The following KPNA1 variants were observed in gnomAD, a reference collection of about 807,000 sequenced individuals.
The protein encoded by KPNA1 is karyopherin subunit alpha 1, also known as importin subunit alpha-5.
A neutral mutation model predicts 70.5 loss-of-function variants in KPNA1; 10 were observed. The observed-to-expected ratio is 0.14, with a 90% confidence interval of 0.09 to 0.24. The LOEUF is 0.24. Ranked by LOEUF, KPNA1 falls within the 10% of genes least tolerant of loss-of-function variation. The pLI is 1.00. For synonymous variants in KPNA1, 192 were observed against 221.9 expected (o/e 0.87, Z 1.20); for missense variants, 397 against 637.9 (o/e 0.62, Z 4.07).
intron 1 of KPNA1, among the ~76,000 whole-genome samples, chr3:122,504,035 T>C (rs989330016): frequency 2.6e-5 from 4 of 152,218 alleles, no homozygotes; most frequent in East Asian, 1.9e-4. Flanking sequence ...ATGCATGCTA[T>C]TACACATTTG....
intron 5 of KPNA1, chr3:122,460,100 C>T (rs750483354): frequency 5.4e-5 from 53 of 985,188 alleles, no homozygotes; most frequent in Non-Finnish European, 5.8e-5. Flanking sequence ...GGTACCTAAC[C>T]AATTTTTATA....
intron 2 of KPNA1, among the ~76,000 whole-genome samples, chr3:122,484,059 T>C (rs2076601995): frequency 6.6e-6 from 1 of 152,224 alleles, no homozygotes; most frequent in South Asian, 2.1e-4. Flanking sequence ...TCTTCAGTCA[T>C]GGTAGTGCTG....
chr3:122,430,640 T>C (rs554316526), intron 12 of KPNA1, among the ~76,000 whole-genome samples: 2 of 151,820 alleles, frequency 1.3e-5, no homozygotes, highest in South Asian at 4.2e-4. Context: ...TGCAAATTCA[T>C]GCACAGACCC....
intron 1 of KPNA1, among the ~76,000 whole-genome samples, chr3:122,509,191 A>G (rs943164297): frequency 1.3e-5 from 2 of 151,886 alleles, no homozygotes; most frequent in Non-Finnish European, 2.9e-5. Context: ...GGTTGCGGTG[A>G]GCCAAGATCA....
intron 2 of KPNA1, among the ~76,000 whole-genome samples, chr3:122,493,436 G>C (rs1455148508): frequency 6.6e-6 from 1 of 151,830 alleles, no homozygotes; most frequent in Non-Finnish European, 1.5e-5. Flanking sequence ...ATACGAGTTA[G>C]AGTGGAGGAA....
chr3:122,485,989 A>G (rs969476364), intron 2 of KPNA1, among the ~76,000 whole-genome samples: 2 of 152,210 alleles, frequency 1.3e-5, no homozygotes, highest in Non-Finnish European at 2.9e-5. Flanking sequence ...ACCAAATGTT[A>G]ACAATGATGT....
chr3:122,442,531 T>C (rs2076078204), intron 9 of KPNA1, among the ~76,000 whole-genome samples: 1 of 152,162 alleles, frequency 6.6e-6, no homozygotes, highest in South Asian at 2.1e-4. Context: ...AAGTGACACA[T>C]CAACAGCTGA....
At chr3:122,451,397 C>G (rs2076200955) in intron 8 of KPNA1, 137 bp downstream of exon 8, 1 of 550,212 alleles carries the variant, frequency 1.8e-6, no homozygotes, top group Non-Finnish European at 3.1e-6. Context: ...CAACAACAAC[C>G]CTGTTTCTCC....
chr3:122,471,142 G>C (rs1483002695), intron 2 of KPNA1, among the ~76,000 whole-genome samples: 1 of 152,162 alleles, frequency 6.6e-6, no homozygotes, highest in Non-Finnish European at 1.5e-5. Context: ...AAGAAATGCA[G>C]GTTCTGACAT....
Position 122,423,497 on chromosome 3 carries a change from A to G in KPNA1, c.*3488T>C, listed in dbSNP as rs1212380378. ...ACAATTTCCAATATACTTAAAAACC[A>G]TCAACCCCTAAAAAGTTATAATGAT... On this transcript the variant is annotated 3_prime_UTR_variant, in exon 14 of 14. Transcript: ENST00000344337. The G allele has an allele frequency of 2.0e-5, 3 of 152,510 alleles. No individual in the cohort carries two copies. The highest frequency in any genetic ancestry group is 4.4e-5 in the Non-Finnish European group (3 of 68,024). The allele number at this position is 152,510 out of a possible 1,614,324, so 9.4% of individuals were successfully genotyped here. A position where few individuals can be genotyped will look rare whatever the true frequency, so the allele number is the denominator to read the frequency against.
At chr3:122,513,057 G>GT (rs1201715929) in intron 1 of KPNA1, among the ~76,000 whole-genome samples, 2 of 152,236 alleles carry the variant, frequency 1.3e-5, no homozygotes, top group African/African-American at 2.4e-5. Flanking sequence ...AGATCACTCT[G>GT]TAAGTATTCG....
chr3:122,435,354 C>T (rs1281593377), intron 11 of KPNA1, among the ~76,000 whole-genome samples: 2 of 152,106 alleles, frequency 1.3e-5, no homozygotes, highest in Non-Finnish European at 1.5e-5. Context: ...CACTGCTTGT[C>T]GTCCACTTGA....
chr3:122,464,068 T>C (rs1398017524), intron 3 of KPNA1, 27 bp from the exon 4 acceptor site: 1 of 1,259,574 alleles, frequency 7.9e-7, no homozygotes, highest in Admixed American at 2.0e-5. Flanking sequence ...AAAGAACATA[T>C]AATAAATTAT....
intron 10 of KPNA1, among the ~76,000 whole-genome samples, chr3:122,438,132 G>C (rs773019992): frequency 1.3e-5 from 2 of 152,116 alleles, no homozygotes; most frequent in Non-Finnish European, 2.9e-5. Flanking sequence ...CTGGATCATG[G>C]GGGTGGATCC....
chr3:122,507,749 T>TG (rs993107654), intron 1 of KPNA1, among the ~76,000 whole-genome samples: 3 of 151,704 alleles, frequency 2.0e-5, no homozygotes, highest in South Asian at 4.2e-4. Context: ...AATGATTTTT[T>TG]GGGGGGTTAA....
chr3:122,472,940 G>C (rs1450420550), intron 2 of KPNA1, among the ~76,000 whole-genome samples: 2 of 152,078 alleles, frequency 1.3e-5, no homozygotes, highest in Non-Finnish European at 2.9e-5. Context: ...AATTAGCCAG[G>C]TGTGGTGGCG....
At chr3:122,499,876 T>G (rs961508406) in intron 1 of KPNA1, among the ~76,000 whole-genome samples, 2 of 152,220 alleles carry the variant, frequency 1.3e-5, no homozygotes, top group African/African-American at 4.8e-5. Flanking sequence ...CCCAGGAAGA[T>G]TTTGTCAAGA....
At chr3:122,473,612 A>T (rs1484711304) in intron 2 of KPNA1, among the ~76,000 whole-genome samples, 2 of 152,232 alleles carry the variant, frequency 1.3e-5, no homozygotes, top group African/African-American at 4.8e-5. Context: ...CAGACTAAGG[A>T]AGAAAAATCA....
chr3:122,450,263 A>T (rs749083937), intron 8 of KPNA1, among the ~76,000 whole-genome samples: 1 of 152,220 alleles, frequency 6.6e-6, no homozygotes, highest in African/African-American at 2.4e-5. Context: ...TCTCAAAAGA[A>T]GATATACAAA....
Sources: allele counts gnomAD v4.1 joint callset (sites outside exome capture counted in the v4.1 genomes callset), GRCh38; gene constraint gnomAD v4.1.1; transcripts MANE v1.5; gene names NCBI Gene and HGNC (gene_info 2026-07-23, HGNC 2026-07-21).